Variants in RGS7 observed in about 807,000 individuals in gnomAD.
RGS7 encodes regulator of G protein signaling 7.
In RGS7, 27 loss-of-function variants were observed where a neutral mutation model predicts 81.1. The observed-to-expected ratio is 0.33, with a 90% CI of 0.25 to 0.46. The LOEUF is 0.46. Ranked by LOEUF, RGS7 falls within the 20% of genes least tolerant of loss-of-function variation. The pLI is 1.00. For missense variants in RGS7, 396 were observed against 607.4 expected, an observed-to-expected ratio of 0.65 and a Z score of 3.66; for synonymous variants, 208 against 207.7, an observed-to-expected ratio of 1.00 and a Z score of -0.01.
At chr1:241,130,889 C>G (rs750599777) in intron 2 of RGS7, among the ~76,000 whole-genome samples, 3 of 111,934 alleles carry the variant, frequency 2.7e-5, no homozygotes, top group African/African-American at 3.9e-5. Context: ...GTGTTAATAA[C>G]AGTTAAATGC....
intron 6 of RGS7, among the ~76,000 whole-genome samples, chr1:240,904,641 T>A (rs1280116010): frequency 1.3e-5 from 2 of 152,196 alleles, no homozygotes. Flanking sequence ...ATTTTGAGTT[T>A]ATGGGACAAA....
At chr1:241,196,097 G>C (rs537227446) in intron 2 of RGS7, among the ~76,000 whole-genome samples, 1 of 152,084 alleles carries the variant, frequency 6.6e-6, no homozygotes, top group East Asian at 1.9e-4. Flanking sequence ...AAAAGAAAGA[G>C]ATAGAGAAAA....
At chr1:241,035,640 C>T (rs1164294847) in intron 3 of RGS7, among the ~76,000 whole-genome samples, 2 of 152,100 alleles carry the variant, frequency 1.3e-5, no homozygotes, top group African/African-American at 4.8e-5. Context: ...CATTACCACC[C>T]CAACACTGCT....
rs1018408355 is a variant in RGS7 at position 240,846,336 on chromosome 1, T to G, written c.610-19164A>C. Reference sequence around the variant, plus strand: ...GAAGTTAACCTAAAATATAAGTGAGTGGTGAGAGACATTCTTTAGTTTAGG... The same window carrying G: ...GAAGTTAACCTAAAATATAAGTGAGGGGTGAGAGACATTCTTTAGTTTAGG... On this transcript the variant is annotated intron_variant, in intron 9 of 18. Transcript: ENST00000440928. 6.6e-5 allele frequency among the ~76,000 whole-genome samples: 10 copies of G among 152,230 alleles called. No homozygotes were observed. The South Asian group carries it at 2.1e-3, about 32-fold the overall frequency.
At chr1:241,289,432 T>C (rs945028312) in intron 2 of RGS7, among the ~76,000 whole-genome samples, 5 of 152,190 alleles carry the variant, frequency 3.3e-5, no homozygotes, top group Admixed American at 3.3e-4. Context: ...CTGAATAGCA[T>C]GTCCATGCTT....
At chr1:241,011,657 G>A (rs1262622352) in intron 3 of RGS7, among the ~76,000 whole-genome samples, 1 of 152,136 alleles carries the variant, frequency 6.6e-6, no homozygotes, top group African/African-American at 2.4e-5. Context: ...GGTGCTTACT[G>A]TTAAGAAAAC....
At position 241,164,321 on chromosome 1, in the gene RGS7, T is replaced by C. The variant is rs72758868; in HGVS notation, c.79-65559A>G. ...TATGTAAGCATGATTGACTAAACCT[T>C]TGGCCATTGGTGGTCAACTTAACCT... is the stretch of plus-strand genomic sequence containing the variant. On this transcript the variant is annotated intron_variant, in intron 2 of 18. Transcript: ENST00000440928. The surrounding 1 kb of genome is among the most constrained non-coding windows in gnomAD (Gnocchi z 4.1). 0.091 allele frequency among the ~76,000 whole-genome samples: 13,806 copies of C among 151,798 alleles called. 736 individuals carry two copies. The highest frequency in any genetic ancestry group is 0.18 in the East Asian group (899 of 5,100).
At chr1:241,169,386 C>T (rs1350066609) in intron 2 of RGS7, among the ~76,000 whole-genome samples, 2 of 130,268 alleles carry the variant, frequency 1.5e-5, no homozygotes, top group Non-Finnish European at 3.1e-5. Flanking sequence ...CTCTGTCTCC[C>T]AGGCTGGAGT....
intron 3 of RGS7, among the ~76,000 whole-genome samples, chr1:241,001,667 G>C (rs2148630729): frequency 6.6e-6 from 1 of 152,280 alleles, no homozygotes; most frequent in East Asian, 1.9e-4. Flanking sequence ...ATATTACTAA[G>C]TGAAAGAAGT....
intron 4 of RGS7, among the ~76,000 whole-genome samples, chr1:240,972,993 G>A (rs1025909441): frequency 7.9e-5 from 12 of 151,738 alleles, no homozygotes; most frequent in Admixed American, 3.9e-4. Flanking sequence ...AGGGTGCAGC[G>A]GGCCGTGATT....
chr1:241,098,007 C>A (rs1288844461), intron 3 of RGS7, among the ~76,000 whole-genome samples: 1 of 152,228 alleles, frequency 6.6e-6, no homozygotes, highest in Non-Finnish European at 1.5e-5. Flanking sequence ...GGCACCCAAA[C>A]CTGTTCCTGC....
chr1:240,885,549 T>C (rs1024646924), intron 6 of RGS7, among the ~76,000 whole-genome samples: 1 of 152,186 alleles, frequency 6.6e-6, no homozygotes. Flanking sequence ...AGCTACATCA[T>C]GGGATACGAT....
chr1:241,353,600 T>A (rs6429260), intron 2 of RGS7, among the ~76,000 whole-genome samples: 146,861 of 152,260 alleles, frequency 0.96, 71,052 homozygotes, highest in East Asian at 1. Flanking sequence ...CTTTTTCCAA[T>A]AATGCCTTAT....
intron 4 of RGS7, among the ~76,000 whole-genome samples, chr1:240,950,590 G>C (rs905582617): frequency 2.0e-5 from 3 of 152,178 alleles, no homozygotes; most frequent in Non-Finnish European, 4.4e-5. Flanking sequence ...ACAGCTCCAA[G>C]GGACAGACTC....
chr1:241,326,704 G>A (rs1357162540), intron 2 of RGS7, among the ~76,000 whole-genome samples: 1 of 125,432 alleles, frequency 8.0e-6, no homozygotes, highest in African/African-American at 3.0e-5. Context: ...AGCACTTTGG[G>A]AGGCAAAGGT....
intron 3 of RGS7, among the ~76,000 whole-genome samples, chr1:241,074,881 TCACCA>T (rs1021487702): frequency 3.0e-4 from 45 of 152,256 alleles, no homozygotes; most frequent in African/African-American, 9.1e-4. Flanking sequence ...TTTGGCTGCA[TCACCA>T]CTTAAAAAAA....
intron 6 of RGS7, among the ~76,000 whole-genome samples, chr1:240,909,673 T>A (rs1396350626): frequency 6.6e-6 from 1 of 152,182 alleles, no homozygotes; most frequent in Admixed American, 6.6e-5. Context: ...GGCCAATAGA[T>A]CTATATAGTC....
At chr1:241,298,908 G>A (rs1248132059) in intron 2 of RGS7, among the ~76,000 whole-genome samples, 1 of 152,068 alleles carries the variant, frequency 6.6e-6, no homozygotes, top group Non-Finnish European at 1.5e-5. Context: ...CTCAAGATAA[G>A]CTTCTAGAGA....
At chr1:241,143,427 G>A (rs1375019837) in intron 2 of RGS7, among the ~76,000 whole-genome samples, 1 of 152,186 alleles carries the variant, frequency 6.6e-6, no homozygotes, top group Non-Finnish European at 1.5e-5. Context: ...CACAATCATG[G>A]CAGAAGGCAA....
Sources: allele counts gnomAD v4.1 joint callset (sites outside exome capture counted in the v4.1 genomes callset), GRCh38; gene constraint gnomAD v4.1.1; non-coding constraint Gnocchi (gnomAD v3.1); transcripts MANE v1.5; gene names NCBI Gene and HGNC (gene_info 2026-07-23, HGNC 2026-07-21).